Variants in SAMD10 observed in about 807,000 individuals in gnomAD.
SAMD10 encodes the protein sterile alpha motif domain containing 10.
A neutral mutation model predicts 22.5 loss-of-function variants in SAMD10; 16 were observed. The ratio of observed to expected loss-of-function variants is 0.71; its 90% CI spans 0.48 to 1.08. The LOEUF is 1.08. Ranked by LOEUF, SAMD10 falls within the 50% of genes least tolerant of loss-of-function variation. SAMD10 has a pLI of 0.00. For synonymous variants in SAMD10, 118 were observed against 122.2 expected (o/e 0.97, Z 0.23); for missense variants, 227 against 281.3 (o/e 0.81, Z 1.38).
chr20:63,979,767 C>A, upstream of SAMD10: 5 of 868,610 alleles, frequency 5.8e-6, no homozygotes, highest in Non-Finnish European at 6.9e-6. The surrounding 1 kb of genome is among the most constrained non-coding windows in gnomAD (Gnocchi z 7.7). Context: ...GGAGAGTCCC[C>A]GTGAACCTGC....
chr20:63,975,892 G>A, intron 3 of SAMD10, 60 bp from the exon 4 acceptor site: 1 of 1,472,888 alleles, frequency 6.8e-7, no homozygotes, highest in Non-Finnish European at 9.0e-7. Flanking sequence ...GCCAAGGCAA[G>A]GCTGGTGCCA....
chr20:63,975,763 T>C lies in SAMD10; in HGVS notation c.515A>G (p.Gln172Arg). The C allele has an allele frequency of 6.2e-7, 1 of 1,604,756 alleles. No homozygotes were observed. ...GCGGAGCACCTGCTGCAGCACCTCCTGCCTCTGGGCCTCCTGGGCCAGCCC... is the reference window on the plus strand; with the variant it reads ...GCGGAGCACCTGCTGCAGCACCTCCCGCCTCTGGGCCTCCTGGGCCAGCCC... ...RMGLAQEAQR[Q>R]EVLQQVLRLQ... Residue 172 changes from glutamine (Q) to arginine (R), a missense_variant, in exon 4 of 5, where the codon CAG becomes CGG. Physicochemically the swap from Gln to Arg is conservative, Grantham distance 43 (BLOSUM62 1). Coordinates refer to ENST00000369886, the MANE Select transcript of SAMD10 (RefSeq NM_080621.5).
Position 63,979,306 on chromosome 20 carries a change from C to A in SAMD10, c.91+71G>T. The A allele has an allele frequency of 8.5e-7, 1 of 1,176,486 alleles. No homozygotes were observed. Among genetic ancestry groups the A allele is most frequent in the East Asian group, 3.2e-5 (1 of 31,000 alleles). The allele number at this position is 1,176,486 out of a possible 1,614,324, so 72.9% of individuals were successfully genotyped here. ...GCTCGAAGCCCGCCGGGTCCCGCCC[C>A]GCCCCCGTGCCTCTGGGTCCCTGAG... On this transcript the variant is annotated intron_variant, in intron 1 of 4. Transcript: ENST00000369886. The surrounding 1 kb of genome is among the most constrained non-coding windows in gnomAD (Gnocchi z 7.7).
Position 63,979,405 on chromosome 20 carries a change from C to G in SAMD10, c.63G>C (p.Ala21=). 6.7e-7 allele frequency: 1 copy of G among 1,488,262 alleles called. No homozygotes were observed. The allele number at this position is 1,488,262 out of a possible 1,614,324, so 92.2% of individuals were successfully genotyped here. Residue 21 remains alanine, a synonymous_variant, in exon 1 of 5, where the codon GCG becomes GCC. Transcript: ENST00000369886. This position sits in a 1 kb window ranked among gnomAD's most constrained non-coding sequence, Gnocchi z 7.7. ...PPRGRAGAVR[A]GFGERRDVDA... Reference sequence around the variant, plus strand: ...CCACATCCCGGCGCTCCCCGAAGCCCGCGCGCACGGCCCCGGCGCGGCCAC... The same window carrying G: ...CCACATCCCGGCGCTCCCCGAAGCCGGCGCGCACGGCCCCGGCGCGGCCAC...
chr20:63,977,444 A>G lies in SAMD10; in HGVS notation c.92-38T>C. 6.2e-7 allele frequency: 1 copy of G among 1,600,780 alleles called. No individual in the cohort carries two copies. The highest frequency in any genetic ancestry group is 8.5e-7 in the Non-Finnish European group (1 of 1,171,242). ...GTGCCTGGTCAGGGCAGTCAAGGGC[A>G]GAACCAGAGGCTTCCTCTACTTGAG... On this transcript the variant is annotated intron_variant, in intron 1 of 4. Transcript: ENST00000369886. This position sits in a 1 kb window ranked among gnomAD's most constrained non-coding sequence, Gnocchi z 5.4.
Position 63,975,717 on chromosome 20 carries a change from C to T in SAMD10, c.561G>A (p.Gly187=). 1 of 1,607,082 alleles carries T rather than the reference C, an allele frequency of 6.2e-7. No individual in the cohort carries two copies. Among genetic ancestry groups the T allele is most frequent in the Non-Finnish European group, 8.5e-7 (1 of 1,178,652 alleles). Residue 187 remains glycine (G), a synonymous_variant, in exon 4 of 5, where the codon GGG becomes GGA. Coordinates refer to ENST00000369886, the MANE Select transcript of SAMD10 (RefSeq NM_080621.5). ...QVLRLQVREE[G]RSLQLLSQAS... ...CTTGGCTGAGCAGCTGCAGGCTCCG[C>T]CCCTCCTCACGCACCTGCAGGCGGA...
intron 3 of SAMD10, among the ~76,000 whole-genome samples, chr20:63,976,525 G>A (rs144866167): frequency 0.012 from 1,897 of 152,070 alleles, 36 homozygotes; most frequent in African/African-American, 0.043. Flanking sequence ...CACTTTGGGA[G>A]GCTGAGGCAG....
chr20:63,976,684 C>T (rs2059024515), intron 3 of SAMD10, among the ~76,000 whole-genome samples: 1 of 139,580 alleles, frequency 7.2e-6, no homozygotes, highest in South Asian at 2.3e-4. Context: ...ATTGCTTGAA[C>T]CTGGCAGGCA....
chr20:63,978,722 CCACCGCCCCGA>C (rs750184522), intron 1 of SAMD10, among the ~76,000 whole-genome samples: 3 of 152,254 alleles, frequency 2.0e-5, no homozygotes, highest in Non-Finnish European at 2.9e-5. Flanking sequence ...GCTCAGTGGG[CCACCGCCCCGA>C]GGTGGCCCCT....
Position 63,975,444 on chromosome 20 carries a change from T to C in SAMD10, c.*66A>G. 1 of 1,602,530 alleles carries C rather than the reference T, an allele frequency of 6.2e-7. No homozygotes were observed. The highest frequency in any genetic ancestry group is 1.1e-5 in the South Asian group (1 of 90,620). ...TCCAAGAGGCGCTGCGGGGCCAGCT[T>C]GGCCTCCTCCCTAGCCGTGGACTCC... On this transcript the variant is annotated 3_prime_UTR_variant, in exon 5 of 5. Coordinates refer to ENST00000369886, the MANE Select transcript of SAMD10 (RefSeq NM_080621.5).
In SAMD10 at chr20:63,979,291, C is replaced by A. The variant is rs946750278; in HGVS notation, c.91+86G>T. On this transcript the variant is annotated intron_variant, in intron 1 of 4. Transcript: ENST00000369886. The surrounding 1 kb of genome is among the most constrained non-coding windows in gnomAD (Gnocchi z 7.7). ...CCCCCAGCCACCGCCGCTCGAAGCC[C>A]GCCGGGTCCCGCCCCGCCCCCGTGC... 23 of 1,042,106 alleles carry A rather than the reference C, an allele frequency of 2.2e-5. No homozygotes were observed. In the African/African-American group the frequency reaches 2.6e-4, roughly 12 times the overall value. 64.6% of individuals were successfully genotyped at this position (1,042,106 alleles called of 1,614,324 possible). A position where few individuals can be genotyped will look rare whatever the true frequency, so the allele number is the denominator to read the frequency against.
rs150226016 is a variant in SAMD10 at position 63,975,788 on chromosome 20, C to T, written c.490G>A (p.Gly164Arg). ...RLNAEKLQRMGLAQEAQRQEV... is the reference protein window; with the variant it reads ...RLNAEKLQRMRLAQEAQRQEV... ...TGCCTCTGGGCCTCCTGGGCCAGCC[C>T]CATCCGCTGCAGCTTCTCCGCATTC... is the stretch of plus-strand genomic sequence containing the variant. The change falls in exon 4 of 5, where the codon GGG becomes AGG. Residue 164 changes from glycine (G) to arginine (R), a missense_variant. By Grantham distance (125) the Gly-to-Arg change is moderately radical. Coordinates refer to ENST00000369886, the MANE Select transcript of SAMD10 (RefSeq NM_080621.5). The T allele has an allele frequency of 6.2e-7, 1 of 1,604,280 alleles. No homozygotes were observed. Among genetic ancestry groups the T allele is most frequent in the Non-Finnish European group, 8.5e-7 (1 of 1,179,064 alleles).
intron 3 of SAMD10, among the ~76,000 whole-genome samples, 170 bp from the exon 4 acceptor site, chr20:63,976,002 G>A (rs544741275): frequency 2.0e-5 from 3 of 152,292 alleles, no homozygotes; most frequent in South Asian, 4.1e-4. Context: ...GTGAAACCCC[G>A]TTTCTACTAA....
In SAMD10 at chr20:63,975,685, C is replaced by A; in HGVS notation, c.586+7G>T. 1 of 1,597,786 alleles carries A rather than the reference C, an allele frequency of 6.3e-7. No individual in the cohort carries two copies. Among genetic ancestry groups the A allele is most frequent in the Non-Finnish European group, 8.5e-7 (1 of 1,171,714 alleles). On this transcript the variant is annotated splice_region_variant and intron_variant, in intron 4 of 4. Coordinates refer to ENST00000369886, the MANE Select transcript of SAMD10 (RefSeq NM_080621.5). ...GCCCCCAGGCCTCTCTGGCACCTCA[C>A]ACTGACCTTGGCTGAGCAGCTGCAG...
chr20:63,975,713 T>A lies in SAMD10; in HGVS notation c.565A>T (p.Ser189Cys). 1 of 1,606,554 alleles carries A rather than the reference T, an allele frequency of 6.2e-7. No homozygotes were observed. The highest frequency in any genetic ancestry group is 8.5e-7 in the Non-Finnish European group (1 of 1,178,184). ...TGACCTTGGCTGAGCAGCTGCAGGC[T>A]CCGCCCCTCCTCACGCACCTGCAGG... ...LRLQVREEGR[S>C]LQLLSQASFG... The change falls in exon 4 of 5, where the codon AGC (serine) becomes TGC (cysteine). Residue 189 changes from serine (S) to cysteine (C), a missense_variant. Physicochemically the swap from Ser to Cys is moderately radical, Grantham distance 112 (BLOSUM62 -1). Transcript: ENST00000369886.
chr20:63,979,269 C>A lies in SAMD10; in HGVS notation c.91+108G>T. On this transcript the variant is annotated intron_variant, in intron 1 of 4. Coordinates refer to ENST00000369886, the MANE Select transcript of SAMD10 (RefSeq NM_080621.5). This position sits in a 1 kb window ranked among gnomAD's most constrained non-coding sequence, Gnocchi z 7.7. The stretch of plus-strand genomic sequence containing the variant: ...GAGCCGAGACATCCGCCGAATACCC[C>A]CAGCCACCGCCGCTCGAAGCCCGCC... 2 of 781,618 alleles carry A rather than the reference C, an allele frequency of 2.6e-6. No individual in the cohort carries two copies. Among genetic ancestry groups the A allele is most frequent in the Non-Finnish European group, 3.7e-6 (2 of 542,204 alleles). 48.4% of individuals were successfully genotyped at this position (781,618 alleles called of 1,614,324 possible).
chr20:63,976,928 G>A, intron 3 of SAMD10, 43 bp downstream of exon 3: 2 of 1,598,742 alleles, frequency 1.3e-6, no homozygotes, highest in Admixed American at 1.7e-5. Flanking sequence ...ACGCTCTGAG[G>A]CAGGTTAGCC....
Position 63,977,169 on chromosome 20 carries a change from AGT to A in SAMD10, c.274-29_274-28del. ...TGCAGGGGAGGGGCGTGGCAGGCAG[AGT>A]GAGAGTGGTGGAGAAGGAGGGCAGG... On this transcript the variant is annotated intron_variant, in intron 2 of 4. Coordinates refer to ENST00000369886, the MANE Select transcript of SAMD10 (RefSeq NM_080621.5). The surrounding 1 kb of genome is among the most constrained non-coding windows in gnomAD (Gnocchi z 5.4). 1 of 1,464,646 alleles carries A rather than the reference AGT, an allele frequency of 6.8e-7. No individual in the cohort carries two copies. Among genetic ancestry groups the A allele is most frequent in the South Asian group, 1.1e-5 (1 of 88,922 alleles). The allele number at this position is 1,464,646 out of a possible 1,614,324, so 90.7% of individuals were successfully genotyped here. A position where few individuals can be genotyped will look rare whatever the true frequency, so the allele number is the denominator to read the frequency against.
At position 63,975,708 on chromosome 20, in the gene SAMD10, C is replaced by T. The variant is rs765642655; in HGVS notation, c.570G>A (p.Leu190=). 2 of 1,605,194 alleles carry T rather than the reference C, an allele frequency of 1.2e-6. No individual in the cohort carries two copies. The highest frequency in any genetic ancestry group is 2.2e-5 in the South Asian group (2 of 90,498). The change falls in exon 4 of 5, where the codon CTG becomes CTA. Residue 190 remains leucine, a synonymous_variant. Transcript: ENST00000369886. ...RLQVREEGRS[L]QLLSQASFGK... Reference sequence around the variant, plus strand: ...CACACTGACCTTGGCTGAGCAGCTGCAGGCTCCGCCCCTCCTCACGCACCT... The same window carrying T: ...CACACTGACCTTGGCTGAGCAGCTGTAGGCTCCGCCCCTCCTCACGCACCT...
Sources: gnomAD v4.1 joint callset for allele counts (sites outside exome capture counted in the v4.1 genomes callset) on GRCh38, gnomAD v4.1.1 for gene constraint, Gnocchi (gnomAD v3.1) non-coding constraint, MANE v1.5 for transcripts, NCBI Gene and HGNC (gene_info 2026-07-23, HGNC 2026-07-21) for gene names.